The following PHACTR1 variants were observed in gnomAD, a reference collection of about 807,000 sequenced individuals.
The protein encoded by PHACTR1 is phosphatase and actin regulator 1, also known as RPEL repeat containing 1.
PHACTR1 carries 16 observed loss-of-function variants against 69.2 expected under a neutral mutation model. That is an observed-to-expected ratio of 0.23 (90% CI 0.16 to 0.35). PHACTR1 has a LOEUF of 0.35. Among genes scored for constraint, PHACTR1 ranks in the 10% least tolerant of loss-of-function variants. The pLI is 1.00. For missense variants in PHACTR1, 510 were observed against 734.7 expected, an observed-to-expected ratio of 0.69 and a Z score of 3.54; for synonymous variants, 312 against 284.5, an observed-to-expected ratio of 1.10 and a Z score of -0.97.
In PHACTR1 at chr6:13,180,000, T is replaced by G. The variant is rs1372090212; in HGVS notation, c.497-2519T>G. On this transcript the variant is annotated intron_variant, in intron 6 of 14. Coordinates refer to ENST00000332995, the MANE Select transcript of PHACTR1 (RefSeq NM_030948.6). This position sits in a 1 kb window ranked among gnomAD's most constrained non-coding sequence, Gnocchi z 4.2. ...AAGACGATGGTCCTCACTGCATTTT[T>G]TTCATAATAGCATAAGTCTATCCCT... Among the ~76,000 whole-genome samples, 6 of 152,194 alleles carry G rather than the reference T, an allele frequency of 3.9e-5. No homozygotes were observed. Among genetic ancestry groups the G allele is most frequent in the African/African-American group, 1.4e-4 (6 of 41,448 alleles).
chr6:13,187,449 G>A (rs1308575276), intron 7 of PHACTR1, among the ~76,000 whole-genome samples: 1 of 152,192 alleles, frequency 6.6e-6, no homozygotes, highest in Non-Finnish European at 1.5e-5. Flanking sequence ...TTGGGTCATT[G>A]AAGAGTTGGC....
intron 4 of PHACTR1, among the ~76,000 whole-genome samples, chr6:12,970,344 C>T (rs368557398): frequency 1.3e-5 from 2 of 152,182 alleles, no homozygotes; most frequent in East Asian, 1.9e-4. Context: ...AAGAATGTGT[C>T]CCTGTTTATT....
rs537376078 is a variant in PHACTR1 at position 12,981,121 on chromosome 6, ATCT to A, written c.251-72239_251-72237del. On this transcript the variant is annotated intron_variant, in intron 4 of 14. Transcript: ENST00000332995. ...ATTCCTGCAACATTGCATTTAATCT[ATCT>A]TCTTGCATGAGTGCTGCATTTAGGA... Among the ~76,000 whole-genome samples the A allele has an allele frequency of 1.9e-3, 287 of 152,344 alleles. 1 individual carries two copies. The highest frequency in any genetic ancestry group is 3.5e-3 in the Non-Finnish European group (241 of 68,032).
In PHACTR1 at chr6:12,761,110, G is replaced by A. The variant is rs964262444; in HGVS notation, c.250+11320G>A. Reference sequence around the variant, plus strand: ...TCTCTGAACCTCTGAAACTTGTAACGTGTGGATAACACTTTCTGCCTAATT... The same window carrying A: ...TCTCTGAACCTCTGAAACTTGTAACATGTGGATAACACTTTCTGCCTAATT... On this transcript the variant is annotated intron_variant, in intron 4 of 14. Transcript: ENST00000332995. 9.9e-5 allele frequency among the ~76,000 whole-genome samples: 15 copies of A among 152,256 alleles called. No homozygotes were observed. In the East Asian group the frequency reaches 2.5e-3, roughly 25 times the overall value.
intron 5 of PHACTR1, among the ~76,000 whole-genome samples, chr6:13,066,193 G>C (rs1808596762): frequency 6.6e-6 from 1 of 152,152 alleles, no homozygotes; most frequent in South Asian, 2.1e-4. Flanking sequence ...AGCACTCTCT[G>C]CGTGTAAGTC....
At chr6:12,982,058 T>C (rs1795587135) in intron 4 of PHACTR1, among the ~76,000 whole-genome samples, 1 of 152,234 alleles carries the variant, frequency 6.6e-6, no homozygotes, top group Admixed American at 6.5e-5. Flanking sequence ...CTTTTACTAA[T>C]GACCTTTGAG....
intron 5 of PHACTR1, among the ~76,000 whole-genome samples, chr6:13,110,463 T>G (rs953221852): frequency 6.6e-6 from 1 of 152,226 alleles, no homozygotes; most frequent in Non-Finnish European, 1.5e-5. Context: ...TGGTAGTTTT[T>G]CTTTCCCCAA....
chr6:13,031,923 T>C (rs1270289818), intron 4 of PHACTR1, among the ~76,000 whole-genome samples: 1 of 152,234 alleles, frequency 6.6e-6, no homozygotes, highest in Non-Finnish European at 1.5e-5. Context: ...GATGGTCACT[T>C]ACAGAGGATG....
chr6:13,025,704 T>G (rs1801598739), intron 4 of PHACTR1, among the ~76,000 whole-genome samples: 1 of 151,828 alleles, frequency 6.6e-6, no homozygotes, highest in Non-Finnish European at 1.5e-5. Context: ...TGTGTGTGTG[T>G]GTGTGTCTGT....
intron 4 of PHACTR1, among the ~76,000 whole-genome samples, chr6:12,987,219 C>A (rs1796297063): frequency 6.6e-6 from 1 of 152,046 alleles, no homozygotes; most frequent in Admixed American, 6.5e-5. Flanking sequence ...ATAAGAAAGG[C>A]CTTTTTACAG....
intron 3 of PHACTR1, among the ~76,000 whole-genome samples, chr6:12,725,563 T>C (rs1175180337): frequency 6.6e-6 from 1 of 152,208 alleles, no homozygotes; most frequent in Non-Finnish European, 1.5e-5. Flanking sequence ...TGGCTTTACT[T>C]CTTTAAACCT....
At chr6:13,160,943 C>T (rs1318866526) in intron 6 of PHACTR1, among the ~76,000 whole-genome samples, 1 of 152,144 alleles carries the variant, frequency 6.6e-6, no homozygotes, top group East Asian at 1.9e-4. Context: ...AAGTATCCTT[C>T]ACTCCTCTTT....
chr6:13,102,062 C>A (rs1009006150), intron 5 of PHACTR1, among the ~76,000 whole-genome samples: 3 of 152,188 alleles, frequency 2.0e-5, no homozygotes, highest in Non-Finnish European at 4.4e-5. Flanking sequence ...CCAGAGGATG[C>A]TTGTCAAAAT....
chr6:12,840,804 C>G (rs556201864), intron 4 of PHACTR1, among the ~76,000 whole-genome samples: 15 of 152,262 alleles, frequency 9.9e-5, no homozygotes, highest in South Asian at 6.2e-4. Flanking sequence ...TCTTTTTGTT[C>G]AAATTTCCAG....
At chr6:13,127,537 T>C (rs546544107) in intron 5 of PHACTR1, among the ~76,000 whole-genome samples, 1 of 152,312 alleles carries the variant, frequency 6.6e-6, no homozygotes, top group East Asian at 1.9e-4. Flanking sequence ...GCCACTGCAC[T>C]CTAGGCTGCG....
At chr6:13,025,224 T>A (rs4132046) in intron 4 of PHACTR1, among the ~76,000 whole-genome samples, 5 of 151,906 alleles carry the variant, frequency 3.3e-5, no homozygotes, top group Non-Finnish European at 4.4e-5. Context: ...CACTACACTC[T>A]AGCCTGGGTG....
chr6:12,790,571 T>A (rs1431459401), intron 4 of PHACTR1, among the ~76,000 whole-genome samples: 5 of 152,236 alleles, frequency 3.3e-5, no homozygotes, highest in Admixed American at 2.0e-4. Context: ...AGACCAGTGA[T>A]CCTTGTCTGT....
At chr6:12,744,016 T>A (rs1765441026) in intron 3 of PHACTR1, among the ~76,000 whole-genome samples, 1 of 152,124 alleles carries the variant, frequency 6.6e-6, no homozygotes, top group Non-Finnish European at 1.5e-5. Context: ...TCAAAACCGC[T>A]CAACTACATG....
chr6:12,865,153 A>G (rs997103147), intron 4 of PHACTR1, among the ~76,000 whole-genome samples: 3 of 152,226 alleles, frequency 2.0e-5, no homozygotes, highest in Middle Eastern at 3.4e-3. Context: ...CCGGACAACT[A>G]TGATGGATAG....
Sources: allele counts gnomAD v4.1 joint callset (sites outside exome capture counted in the v4.1 genomes callset), GRCh38; gene constraint gnomAD v4.1.1; non-coding constraint Gnocchi (gnomAD v3.1); transcripts MANE v1.5; gene names NCBI Gene and HGNC (gene_info 2026-07-23, HGNC 2026-07-21).